KLHL13: variants seen among roughly 807,000 people sequenced by gnomAD.
KLHL13 encodes kelch-like protein 13.
Under a neutral mutation model 37.1 loss-of-function variants are expected in KLHL13, and 10 were observed. That is an observed-to-expected ratio of 0.27 (90% CI 0.17 to 0.46). The LOEUF is 0.46. Among genes scored for constraint, KLHL13 ranks in the 20% least tolerant of loss-of-function variants. KLHL13 has a pLI of 1.00. For synonymous variants in KLHL13, 163 were observed against 181.2 expected, an observed-to-expected ratio of 0.90 and a Z score of 0.81; for missense variants, 360 against 509.3, an observed-to-expected ratio of 0.71 and a Z score of 2.82.
At chrX:118,047,106 C>T (rs1006390857) in intron 1 of KLHL13, among the ~76,000 whole-genome samples, 6 of 111,715 alleles carry the variant, frequency 5.4e-5, no homozygotes. Flanking sequence ...TAAGTGATTT[C>T]AGGACAACTG....
chrX:117,942,701 T>G (rs747508078), intron 2 of KLHL13, among the ~76,000 whole-genome samples: 1 of 111,546 alleles, frequency 9.0e-6, no homozygotes, highest in Admixed American at 9.6e-5. Context: ...CTTCCATCCC[T>G]TTATTTTGAG....
intron 1 of KLHL13, among the ~76,000 whole-genome samples, chrX:117,980,696 A>G (rs1261327897): frequency 1.8e-5 from 2 of 111,978 alleles, no homozygotes; most frequent in Non-Finnish European, 3.8e-5. Flanking sequence ...ATTTATATTC[A>G]ATTGCTTTAA....
At chrX:117,920,296 G>A (rs374338614) in exon 3 of KLHL13, 15 of 1,206,437 alleles carry the variant, frequency 1.2e-5, no homozygotes, top group Non-Finnish European at 1.7e-5. Context: ...TATGCACAGG[G>A]AAAGCATCAT....
At chrX:117,907,157 A>T (rs1237706118) in intron 5 of KLHL13, among the ~76,000 whole-genome samples, 1 of 111,207 alleles carries the variant, frequency 9.0e-6, no homozygotes, top group African/African-American at 3.3e-5. Context: ...AGGAGCAAGG[A>T]TTCCTGTGTA....
intron 1 of KLHL13, among the ~76,000 whole-genome samples, chrX:117,950,056 C>T (rs1933508795): frequency 8.9e-6 from 1 of 112,772 alleles, no homozygotes; most frequent in Non-Finnish European, 1.9e-5. Flanking sequence ...ATGAACAACA[C>T]TTTTCTATTT....
At position 118,031,484 on chromosome X, in the gene KLHL13, T is replaced by C. The variant is rs1569297253; in HGVS notation, c.-56+85024A>G. Among the ~76,000 whole-genome samples, 27 of 95,217 alleles carry C rather than the reference T, an allele frequency of 2.8e-4. 1 individual carries two copies. The highest frequency in any genetic ancestry group is 1.1e-3 in the African/African-American group (27 of 24,590). 82.7% of individuals were successfully genotyped at this position (95,217 alleles called of 115,157 possible). On this transcript the variant is annotated intron_variant, in intron 1 of 6. Coordinates refer to the KLHL13 transcript ENST00000371882. ...ATATATATTTAGATATATATATAGA[T>C]ATATATATTTAGATATATATATATA...
intron 1 of KLHL13, among the ~76,000 whole-genome samples, chrX:117,995,427 A>AT (rs762574213): frequency 1.0e-3 from 114 of 110,584 alleles, no homozygotes; most frequent in Non-Finnish European, 1.6e-3. Flanking sequence ...AAAAGTAGTG[A>AT]TTTTTTTTTA....
At chrX:117,960,368 C>T (rs2430207) in intron 1 of KLHL13, among the ~76,000 whole-genome samples, 27,536 of 110,907 alleles carry the variant, frequency 0.25, 5,590 homozygotes, top group African/African-American at 0.69. Context: ...AATGCCACTT[C>T]TGAGGCCATA....
chrX:118,017,080 C>T (rs893685393), intron 1 of KLHL13, among the ~76,000 whole-genome samples: 4 of 111,245 alleles, frequency 3.6e-5, no homozygotes, highest in African/African-American at 1.3e-4. Context: ...CACACAGCCA[C>T]CAAAGTGATC....
intron 1 of KLHL13, among the ~76,000 whole-genome samples, chrX:118,108,603 A>T (rs1314492413): frequency 8.9e-6 from 1 of 112,250 alleles, no homozygotes; most frequent in East Asian, 2.8e-4. Flanking sequence ...TCTAGTATTA[A>T]CTATTTCAGT....
intron 1 of KLHL13, among the ~76,000 whole-genome samples, chrX:118,043,761 T>C (rs1390813382): frequency 2.7e-5 from 3 of 111,922 alleles, no homozygotes; most frequent in African/African-American, 9.7e-5. Context: ...TAAAGGCTGT[T>C]TATGTCAGAC....
intron 1 of KLHL13, among the ~76,000 whole-genome samples, chrX:118,078,014 TCTTA>T (rs1395428078): frequency 8.9e-6 from 1 of 112,322 alleles, no homozygotes; most frequent in Non-Finnish European, 1.9e-5. Flanking sequence ...TGAGCAAAGC[TCTTA>T]CTCTTTCTGC....
At chrX:117,999,814 C>G (rs1391279951) in intron 1 of KLHL13, among the ~76,000 whole-genome samples, 1 of 111,339 alleles carries the variant, frequency 9.0e-6, no homozygotes, top group Non-Finnish European at 1.9e-5. Context: ...AAATAAATAA[C>G]TGGCACATAG....
At chrX:118,097,654 G>A (rs2055228169) in intron 1 of KLHL13, among the ~76,000 whole-genome samples, 1 of 111,790 alleles carries the variant, frequency 8.9e-6, no homozygotes, top group African/African-American at 3.3e-5. Context: ...AAAGCTGGAG[G>A]CATCACACTA....
chrX:118,019,955 A>G (rs760459980), intron 1 of KLHL13, among the ~76,000 whole-genome samples: 1 of 107,295 alleles, frequency 9.3e-6, no homozygotes. Flanking sequence ...CTTTTGGCTT[A>G]GGATTGACTT....
intron 2 of KLHL13, among the ~76,000 whole-genome samples, chrX:117,933,494 C>T (rs1932572385): frequency 9.0e-6 from 1 of 111,470 alleles, no homozygotes; most frequent in African/African-American, 3.3e-5. Flanking sequence ...TCACCACACA[C>T]AAAAACCAAC....
At chrX:118,083,841 A>G (rs772651386) in intron 1 of KLHL13, among the ~76,000 whole-genome samples, 2 of 111,922 alleles carry the variant, frequency 1.8e-5, no homozygotes, top group Non-Finnish European at 3.8e-5. Context: ...ATAAATACGA[A>G]CAATTATCAT....
intron 1 of KLHL13, among the ~76,000 whole-genome samples, chrX:118,083,379 C>A (rs1380982584): frequency 9.0e-6 from 1 of 111,641 alleles, no homozygotes; most frequent in African/African-American, 3.3e-5. Flanking sequence ...TATACATACA[C>A]AATGGAACAC....
chrX:117,997,240 GA>G lies in KLHL13; in HGVS notation c.-55-51666del, dbSNP rs775368890. Among the ~76,000 whole-genome samples the G allele has an allele frequency of 5.4e-3, 541 of 100,389 alleles. 2 individuals carry two copies. The highest frequency in any genetic ancestry group is 7.0e-3 in the Non-Finnish European group (344 of 48,991). 87.2% of individuals were successfully genotyped at this position (100,389 alleles called of 115,157 possible). On this transcript the variant is annotated intron_variant, in intron 1 of 6. Transcript: ENST00000371882. ...AAGCCTACTGACACACTCTCTTATG[GA>G]AAAAAAAAAAGAGACTGAGTCATCA...
Sources: allele counts gnomAD v4.1 joint callset (sites outside exome capture counted in the v4.1 genomes callset), GRCh38; gene constraint gnomAD v4.1.1; transcripts MANE v1.5; gene names NCBI Gene and HGNC (gene_info 2026-07-23, HGNC 2026-07-21).